The following MAD1L1 variants were observed in gnomAD, a reference collection of about 807,000 sequenced individuals.
The protein encoded by MAD1L1 is mitotic arrest deficient 1 like 1.
In MAD1L1, 95 loss-of-function variants were observed where a neutral mutation model predicts 96.9. That is an observed-to-expected ratio of 0.98 (90% CI 0.83 to 1.16). The LOEUF (loss-of-function observed/expected upper bound fraction) is 1.16, where lower values mean the gene tolerates loss of function less well. MAD1L1 is among the 50% of genes most tolerant of loss of function. The pLI is 0.00. For missense variants in MAD1L1, 1,007 were observed against 954.4 expected, an observed-to-expected ratio of 1.06 and a Z score of -0.73; for synonymous variants, 473 against 396.6, an observed-to-expected ratio of 1.19 and a Z score of -2.29.
At chr7:2,062,647 C>T (rs1784713124) in intron 12 of MAD1L1, among the ~76,000 whole-genome samples, 1 of 152,126 alleles carries the variant, frequency 6.6e-6, no homozygotes, top group Non-Finnish European at 1.5e-5. Flanking sequence ...TGGAACCAGG[C>T]ACGAGGGTCT....
At chr7:1,956,159 G>T (rs1236850429) in intron 16 of MAD1L1, among the ~76,000 whole-genome samples, 2 of 152,112 alleles carry the variant, frequency 1.3e-5, no homozygotes, top group Non-Finnish European at 2.9e-5. Context: ...GCACAGCCCT[G>T]GGCATCCAGA....
intron 11 of MAD1L1, among the ~76,000 whole-genome samples, chr7:2,076,878 G>A (rs766943811): frequency 2.0e-5 from 3 of 148,304 alleles, no homozygotes; most frequent in Admixed American, 1.3e-4. Flanking sequence ...CCTGTGGCAC[G>A]GTGAGCCCAA....
In MAD1L1 at chr7:2,217,956, A is replaced by T. The variant is rs771190385; in HGVS notation, c.678+6T>A. On this transcript the variant is annotated splice_donor_region_variant and intron_variant, in intron 7 of 18. Transcript: ENST00000265854. ...GTCCACAAGGCACTGACAGGGAGTGACTCACCTTAATCTGCTGCTCGTGGT... is the reference window on the plus strand; with the variant it reads ...GTCCACAAGGCACTGACAGGGAGTGTCTCACCTTAATCTGCTGCTCGTGGT... 4 of 1,611,152 alleles carry T rather than the reference A, an allele frequency of 2.5e-6. No homozygotes were observed. Among genetic ancestry groups the T allele is most frequent in the Non-Finnish European group, 3.4e-6 (4 of 1,177,528 alleles).
intron 11 of MAD1L1, among the ~76,000 whole-genome samples, chr7:2,111,385 C>A (rs1019976105): frequency 6.6e-6 from 1 of 152,214 alleles, no homozygotes; most frequent in South Asian, 2.1e-4. Context: ...GGCTGCTCAG[C>A]CCTTGCTCTC....
intron 11 of MAD1L1, chr7:2,079,682 C>T (rs774886908): frequency 2.1e-6 from 1 of 471,022 alleles, no homozygotes; most frequent in South Asian, 1.5e-5. Context: ...TCCAGTTTAG[C>T]TGATCAGCTA....
At chr7:1,959,689 G>A (rs1485544592) in intron 15 of MAD1L1, among the ~76,000 whole-genome samples, 2 of 152,226 alleles carry the variant, frequency 1.3e-5, no homozygotes, top group African/African-American at 2.4e-5. Flanking sequence ...CCACCTTAAC[G>A]GTGAAAACAT....
chr7:2,138,188 CT>C (rs545713897), intron 11 of MAD1L1, among the ~76,000 whole-genome samples: 2 of 152,006 alleles, frequency 1.3e-5, no homozygotes, highest in African/African-American at 2.4e-5. Flanking sequence ...GAAATGCCAG[CT>C]TTTTTTTAAC....
chr7:1,833,205 G>C (rs1782792803), intron 18 of MAD1L1, among the ~76,000 whole-genome samples: 1 of 152,224 alleles, frequency 6.6e-6, no homozygotes, highest in African/African-American at 2.4e-5. Flanking sequence ...GAAACAAAAT[G>C]CATGGCACTT....
chr7:2,190,166 G>A (rs1342035724), intron 10 of MAD1L1, among the ~76,000 whole-genome samples: 1 of 152,212 alleles, frequency 6.6e-6, no homozygotes, highest in African/African-American at 2.4e-5. Context: ...GTATTAGGAA[G>A]TGACAGTAAT....
intron 11 of MAD1L1, among the ~76,000 whole-genome samples, chr7:2,084,677 G>C (rs1047118119): frequency 6.6e-6 from 1 of 152,218 alleles, no homozygotes; most frequent in African/African-American, 2.4e-5. Context: ...CTGCATTGGA[G>C]AACCTCCCTC....
intron 18 of MAD1L1, among the ~76,000 whole-genome samples, chr7:1,854,834 G>A (rs1784162879): frequency 6.6e-6 from 1 of 152,204 alleles, no homozygotes; most frequent in African/African-American, 2.4e-5. Flanking sequence ...GGGGACGGAC[G>A]CTCCCATTTC....
intron 10 of MAD1L1, among the ~76,000 whole-genome samples, chr7:2,150,490 C>T (rs983949552): frequency 1.3e-5 from 2 of 152,204 alleles, no homozygotes; most frequent in Admixed American, 1.3e-4. Context: ...CACACAGCCC[C>T]TCCCCCGGTC....
chr7:1,910,263 A>C (rs1787930537), intron 17 of MAD1L1, among the ~76,000 whole-genome samples: 1 of 152,124 alleles, frequency 6.6e-6, no homozygotes, highest in African/African-American at 2.4e-5. Context: ...AAGGAGGGAC[A>C]TTGGCCCCCG....
chr7:2,091,068 G>C (rs1004813796), intron 11 of MAD1L1, among the ~76,000 whole-genome samples: 1 of 152,170 alleles, frequency 6.6e-6, no homozygotes, highest in Non-Finnish European at 1.5e-5. Context: ...TTTTCTTGCT[G>C]CAAGTGTTTC....
At chr7:1,877,179 G>A (rs1431624415) in intron 18 of MAD1L1, among the ~76,000 whole-genome samples, 3 of 152,000 alleles carry the variant, frequency 2.0e-5, no homozygotes, top group Admixed American at 6.6e-5. Flanking sequence ...ATAGAGCTGG[G>A]GTCATCAAAC....
rs141610576 is a variant in MAD1L1 at position 1,856,912 on chromosome 7, T to C, written c.1999-40684A>G. Among the ~76,000 whole-genome samples, 376 of 152,202 alleles carry C rather than the reference T, an allele frequency of 2.5e-3. 2 individuals are homozygous for C. The highest frequency in any genetic ancestry group is 8.2e-3 in the African/African-American group (342 of 41,542). ...CTGCCTGTGTGTCCCCAGGGAGGCC[T>C]TCAGACCGAGCTGACCATGAGCTGC... On this transcript the variant is annotated intron_variant, in intron 18 of 18. Transcript: ENST00000265854.
intron 17 of MAD1L1, among the ~76,000 whole-genome samples, chr7:1,903,888 C>G (rs1396626487): frequency 7.8e-6 from 1 of 128,530 alleles, no homozygotes; most frequent in Non-Finnish European, 1.7e-5. Context: ...ATGGAAGATG[C>G]TCTTGCGGAA....
At chr7:2,085,078 C>G (rs1328489903) in intron 11 of MAD1L1, among the ~76,000 whole-genome samples, 1 of 152,198 alleles carries the variant, frequency 6.6e-6, no homozygotes, top group Non-Finnish European at 1.5e-5. Flanking sequence ...CAGTGATGAG[C>G]AAGAATTCAA....
chr7:2,228,826 T>C (rs1014305781), intron 3 of MAD1L1, among the ~76,000 whole-genome samples: 3 of 151,616 alleles, frequency 2.0e-5, no homozygotes, highest in Non-Finnish European at 4.4e-5. Context: ...CTGCAAGCTC[T>C]GACTCCCGGG....
Sources: gnomAD v4.1 joint callset for allele counts (sites outside exome capture counted in the v4.1 genomes callset) on GRCh38, gnomAD v4.1.1 for gene constraint, MANE v1.5 for transcripts, NCBI Gene and HGNC (gene_info 2026-07-23, HGNC 2026-07-21) for gene names.